The following CRYBB2 variants were observed in gnomAD, a reference collection of about 807,000 sequenced individuals.
CRYBB2 encodes beta-crystallin B2.
CRYBB2 carries 12 observed loss-of-function variants against 24.3 expected under a neutral mutation model. The ratio of observed to expected loss-of-function variants is 0.49; its 90% CI spans 0.32 to 0.80. The LOEUF (loss-of-function observed/expected upper bound fraction) is 0.80. CRYBB2 is among the 30% of genes least tolerant of loss of function. CRYBB2 has a pLI of 0.04. For missense variants in CRYBB2, 198 were observed against 268.5 expected, an observed-to-expected ratio of 0.74 and a Z score of 1.83; for synonymous variants, 98 against 101.6, an observed-to-expected ratio of 0.96 and a Z score of 0.21.
chr22:25,217,150 G>T (rs1274500700), upstream of CRYBB2, among the ~76,000 whole-genome samples: 1 of 150,694 alleles, frequency 6.6e-6, no homozygotes, highest in African/African-American at 2.5e-5. Context: ...AAGTGGAATG[G>T]CTGGCTCATA....
upstream of CRYBB2, among the ~76,000 whole-genome samples, chr22:25,218,748 A>G (rs1221766861): frequency 3.4e-3 from 115 of 33,642 alleles, 5 homozygotes; most frequent in African/African-American, 7.5e-3. Flanking sequence ...AGAGAGAGAG[A>G]GAGAGAGAGA....
chr22:25,223,568 G>A (rs772051153), intron 2 of CRYBB2, among the ~76,000 whole-genome samples: 1 of 152,272 alleles, frequency 6.6e-6, no homozygotes, highest in Admixed American at 6.5e-5. Flanking sequence ...ATCTCTGGCC[G>A]AGTCAGTGAC....
rs199725398 is a variant in CRYBB2, at chr22:25,231,821, G to A, written c.*49G>A. On this transcript the variant is annotated 3_prime_UTR_variant, in exon 6 of 6. Coordinates refer to ENST00000398215, the MANE Select transcript of CRYBB2 (RefSeq NM_000496.3). ...CCCAGGACCCAGGTCTGCTGCCCAGGAACCCTCCAGACCTCCCAGAGAGTG... is the reference window on the plus strand; with the variant it reads ...CCCAGGACCCAGGTCTGCTGCCCAGAAACCCTCCAGACCTCCCAGAGAGTG... The A allele has an allele frequency of 7.8e-3, 12,221 of 1,567,832 alleles. 69 individuals are homozygous for A. The highest frequency in any genetic ancestry group is 8.9e-3 in the Non-Finnish European group (10,097 of 1,138,154).
intron 1 of CRYBB2, among the ~76,000 whole-genome samples, chr22:25,214,011 C>G (rs1194048851): frequency 1.3e-5 from 2 of 152,138 alleles, no homozygotes; most frequent in African/African-American, 4.8e-5. Context: ...AGCTCATTGG[C>G]TAGATGAGCA....
chr22:25,212,366 G>A (rs73879212), upstream of CRYBB2, among the ~76,000 whole-genome samples: 566 of 152,324 alleles, frequency 3.7e-3, 2 homozygotes, highest in African/African-American at 0.013. Flanking sequence ...TCATGGCAGG[G>A]GCAGGGGGCC....
chr22:25,229,713 G>A (rs773751108), intron 5 of CRYBB2, 135 bp downstream of exon 5: 7 of 1,170,228 alleles, frequency 6.0e-6, no homozygotes, highest in South Asian at 1.4e-5. Context: ...CTTCCCACTG[G>A]AAAGTAAATG....
Position 25,229,029 on chromosome 22 carries a change from TGC to T in CRYBB2, c.307-405_307-404del, listed in dbSNP as rs201296400. ...GTGCAAGTGTGGGTGTGCACGTGTG[TGC>T]GTGCGTGTGTGCAAGTGTGGTGTGC... On this transcript the variant is annotated intron_variant, in intron 4 of 5. Coordinates refer to ENST00000398215, the MANE Select transcript of CRYBB2 (RefSeq NM_000496.3). Among the ~76,000 whole-genome samples, 512 of 145,760 alleles carry T rather than the reference TGC, an allele frequency of 3.5e-3. 6 individuals are homozygous for T. In the East Asian group the frequency reaches 0.051, roughly 14 times the overall value.
At chr22:25,218,808 A>AAGAAAGAAAG (rs1569016385), upstream of CRYBB2, among the ~76,000 whole-genome samples, 1 of 131,002 alleles carries the variant, frequency 7.6e-6, no homozygotes, top group African/African-American at 3.1e-5. Context: ...GAAAGAAAGA[A>AAGAAAGAAAG]AGAAAGAAAG....
chr22:25,215,674 A>T (rs377527046), upstream of CRYBB2, among the ~76,000 whole-genome samples: 10 of 152,350 alleles, frequency 6.6e-5, no homozygotes, highest in Middle Eastern at 3.4e-3. Context: ...CCCAGAGCTC[A>T]GTAGGAAGCT....
chr22:25,219,897 T>C (rs1251321113), intron 1 of CRYBB2, among the ~76,000 whole-genome samples: 2 of 152,114 alleles, frequency 1.3e-5, no homozygotes, highest in Non-Finnish European at 2.9e-5. Context: ...ACAGTGGGCA[T>C]TGGGGCAATG....
At chr22:25,212,713 ACT>A (rs776920033) in exon 1 of CRYBB2, 7 of 151,224 alleles carry the variant, frequency 4.6e-5, no homozygotes, top group Non-Finnish European at 4.4e-5. Flanking sequence ...GTGCCTGGAA[ACT>A]CTCTCCTGTG....
In CRYBB2 at chr22:25,231,751, T is replaced by A. The variant is rs1237402075; in HGVS notation, c.597T>A (p.Gly199=). 1 of 1,614,116 alleles carries A rather than the reference T, an allele frequency of 6.2e-7. No homozygotes were observed. Among genetic ancestry groups the A allele is most frequent in the Admixed American group, 1.7e-5 (1 of 60,014 alleles). ...GCGACATGCAGTGGCACCAACGTGG[T>A]GCCTTCCACCCCTCCAACTAGTGCC... is the stretch of plus-strand genomic sequence containing the variant. ...RIRDMQWHQR[G]AFHPSN Residue 199 remains glycine (G), a synonymous_variant, in exon 6 of 6, where the codon GGT becomes GGA. Transcript: ENST00000398215.
At chr22:25,218,703 AGGGG>A (rs199611623), upstream of CRYBB2, among the ~76,000 whole-genome samples, 4 of 43,486 alleles carry the variant, frequency 9.2e-5, no homozygotes, top group African/African-American at 7.3e-4. Context: ...AGAGAGAGAG[AGGGG>A]GAGAGAGAGA....
chr22:25,229,645 C>T, intron 5 of CRYBB2, 67 bp downstream of exon 5: 1 of 1,591,452 alleles, frequency 6.3e-7, no homozygotes, highest in Non-Finnish European at 8.6e-7. Context: ...CTAAGTCCTG[C>T]TCTGCCCTGT....
intron 4 of CRYBB2, among the ~76,000 whole-genome samples, chr22:25,229,104 T>G (rs944677565): frequency 2.0e-5 from 3 of 150,634 alleles, no homozygotes; most frequent in African/African-American, 5.0e-5. Context: ...TGCATGTGTG[T>G]GTGTGTGCAT....
chr22:25,228,879 G>C (rs1468933155), intron 4 of CRYBB2, among the ~76,000 whole-genome samples: 1 of 152,210 alleles, frequency 6.6e-6, no homozygotes, highest in African/African-American at 2.4e-5. Flanking sequence ...AAATATCTCA[G>C]GTGCCTATTA....
chr22:25,223,998 C>T (rs1449652262), intron 2 of CRYBB2, among the ~76,000 whole-genome samples: 2 of 152,030 alleles, frequency 1.3e-5, no homozygotes, highest in African/African-American at 2.4e-5. Flanking sequence ...GTGGCAGGCG[C>T]CTGTAGTCCC....
At chr22:25,226,134 C>A (rs1013688933) in intron 3 of CRYBB2, among the ~76,000 whole-genome samples, 31 of 150,826 alleles carry the variant, frequency 2.1e-4, no homozygotes, top group African/African-American at 7.6e-4. Flanking sequence ...CAGAAGTAAC[C>A]ATTATTAAGA....
At chr22:25,218,808 AAG>A (rs1207665944), upstream of CRYBB2, among the ~76,000 whole-genome samples, 3 of 131,002 alleles carry the variant, frequency 2.3e-5, no homozygotes, top group Non-Finnish European at 3.2e-5. Context: ...GAAAGAAAGA[AAG>A]AAAGAAAGAA....
Sources: gnomAD v4.1 joint callset for allele counts (sites outside exome capture counted in the v4.1 genomes callset) on GRCh38, gnomAD v4.1.1 for gene constraint, MANE v1.5 for transcripts, NCBI Gene and HGNC (gene_info 2026-07-23, HGNC 2026-07-21) for gene names.